Variants in TXNL4A observed in about 807,000 individuals in gnomAD.
TXNL4A encodes the protein thioredoxin like 4A, also known as thioredoxin-like protein 4A.
In TXNL4A, 17 loss-of-function variants were observed where a neutral mutation model predicts 14.6. That is an observed-to-expected ratio of 1.16 (90% CI 0.80 to 1.74). TXNL4A has a LOEUF of 1.74. TXNL4A is among the 40% of genes most tolerant of loss of function. The pLI is 0.00. For synonymous variants in TXNL4A, 83 were observed against 70.6 expected, an observed-to-expected ratio of 1.18 and a Z score of -0.88; for missense variants, 74 against 195.2, an observed-to-expected ratio of 0.38 and a Z score of 3.70.
chr18:79,988,543 C>T lies in TXNL4A; in HGVS notation c.-151G>A, dbSNP rs1258742898. 1.4e-5 allele frequency: 11 copies of T among 814,592 alleles called. No individual in the cohort carries two copies. Among genetic ancestry groups the T allele is most frequent in the South Asian group, 4.8e-5 (1 of 21,034 alleles). 50.5% of individuals were successfully genotyped at this position (814,592 alleles called of 1,614,324 possible). On this transcript the variant is annotated 5_prime_UTR_variant, in exon 1 of 3. Transcript: ENST00000269601. ...CCCGCACACGCAAACTCCGCTGGGA[C>T]TGCCACCCGGCAGAACGTCTGGGCG...
chr18:79,988,840 C>T (rs563605232), upstream of TXNL4A, among the ~76,000 whole-genome samples: 27 of 152,354 alleles, frequency 1.8e-4, no homozygotes, highest in Admixed American at 6.5e-4. Context: ...CGCCGCCGCC[C>T]GGGCTGTCCT....
intron 1 of TXNL4A, among the ~76,000 whole-genome samples, chr18:80,005,126 C>T (rs977957765): frequency 6.6e-6 from 1 of 152,226 alleles, no homozygotes; most frequent in African/African-American, 2.4e-5. Flanking sequence ...ATGGTTAACA[C>T]GAGAGTCTCG....
At position 79,993,987 on chromosome 18, in the gene TXNL4A, G is replaced by A. The variant is rs2051643961; in HGVS notation, c.-60-16286C>T. ...TGGCCCTGAAGAGCCAGGTCCCCAG[G>A]CAGCACACTTTGGGTCTCACACACA... On this transcript the variant is annotated intron_variant, in intron 1 of 2. Coordinates refer to the TXNL4A transcript ENST00000585474. This position sits in a 1 kb window ranked among gnomAD's most constrained non-coding sequence, Gnocchi z 4.4. Among the ~76,000 whole-genome samples, 2 of 152,116 alleles carry A rather than the reference G, an allele frequency of 1.3e-5. No homozygotes were observed. Among genetic ancestry groups the A allele is most frequent in the Non-Finnish European group, 2.9e-5 (2 of 68,026 alleles).
intron 1 of TXNL4A, among the ~76,000 whole-genome samples, chr18:80,015,393 G>A (rs777082720): frequency 7.0e-4 from 97 of 138,046 alleles, no homozygotes; most frequent in Non-Finnish European, 1.3e-3. Context: ...TAAGTTTTAG[G>A]GTACATGTGC....
chr18:80,025,701 C>G (rs1317297013), intron 1 of TXNL4A, among the ~76,000 whole-genome samples: 1 of 152,234 alleles, frequency 6.6e-6, no homozygotes, highest in African/African-American at 2.4e-5. Flanking sequence ...AGAATTTGAG[C>G]TCAGTATCAG....
At chr18:79,995,561 T>C (rs905499525) in intron 1 of TXNL4A, 6 of 152,148 alleles carry the variant, frequency 3.9e-5, no homozygotes, top group Admixed American at 6.5e-5. Context: ...AAATGCAAAT[T>C]TATTAGACTA....
chr18:80,000,966 C>T (rs1282083418), intron 1 of TXNL4A, among the ~76,000 whole-genome samples: 1 of 152,210 alleles, frequency 6.6e-6, no homozygotes, highest in Non-Finnish European at 1.5e-5. Flanking sequence ...GTCACCAAGA[C>T]AATGAGAAAA....
chr18:80,018,630 G>A lies in TXNL4A; in HGVS notation c.-61+15221C>T, dbSNP rs544474045. ...AAAAAGAGAGAAGAATCAAAAAGAC[G>A]CAATAAAAATGATAAAGGGGATATC... On this transcript the variant is annotated intron_variant, in intron 1 of 2. Transcript: ENST00000585474. Among the ~76,000 whole-genome samples the A allele has an allele frequency of 7.9e-5, 12 of 152,144 alleles. No homozygotes were observed. The East Asian group carries it at 9.7e-4, about 12-fold the overall frequency.
At chr18:79,983,811 CCCA>C (rs576627835) in intron 1 of TXNL4A, among the ~76,000 whole-genome samples, 13 of 152,310 alleles carry the variant, frequency 8.5e-5, no homozygotes, top group Admixed American at 7.8e-4. Flanking sequence ...CTTTATTAAT[CCCA>C]CCACAACCCT....
intron 1 of TXNL4A, among the ~76,000 whole-genome samples, chr18:80,001,994 C>G (rs1238276733): frequency 1.3e-5 from 2 of 152,042 alleles, no homozygotes; most frequent in Non-Finnish European, 2.9e-5. Context: ...GTGTCCCCAC[C>G]CAAATCTCAT....
chr18:79,986,159 C>G (rs1340542508), intron 1 of TXNL4A, among the ~76,000 whole-genome samples: 1 of 151,998 alleles, frequency 6.6e-6, no homozygotes, highest in African/African-American at 2.4e-5. Flanking sequence ...CCCACCTCAG[C>G]CTCCCAAGTA....
chr18:79,996,020 C>T (rs2051658557), intron 1 of TXNL4A, among the ~76,000 whole-genome samples: 1 of 135,416 alleles, frequency 7.4e-6, no homozygotes, highest in Non-Finnish European at 1.6e-5. Flanking sequence ...AGGAGAATGG[C>T]GTGAACCTGG....
intron 1 of TXNL4A, among the ~76,000 whole-genome samples, chr18:80,014,532 A>G (rs1389792646): frequency 1.3e-5 from 2 of 152,224 alleles, no homozygotes; most frequent in Non-Finnish European, 2.9e-5. Flanking sequence ...ACACTGATGC[A>G]AGAGGTGGGT....
At chr18:79,996,300 C>G (rs1230135686) in intron 1 of TXNL4A, among the ~76,000 whole-genome samples, 1 of 152,148 alleles carries the variant, frequency 6.6e-6, no homozygotes. Flanking sequence ...GAGCTTACAA[C>G]TGCCTGAATT....
At chr18:80,033,697 G>A (rs931930868) in intron 1 of TXNL4A, among the ~76,000 whole-genome samples, 59 of 152,316 alleles carry the variant, frequency 3.9e-4, no homozygotes, top group African/African-American at 1.4e-3. Flanking sequence ...TAGCTACGCA[G>A]CGCCAGGCAA....
chr18:79,983,342 A>G (rs2051493123), intron 1 of TXNL4A, among the ~76,000 whole-genome samples: 1 of 152,190 alleles, frequency 6.6e-6, no homozygotes, highest in Non-Finnish European at 1.5e-5. Context: ...AATTGTAAGT[A>G]TCTTTTCCAA....
chr18:80,014,162 A>G (rs2051791237), intron 1 of TXNL4A, among the ~76,000 whole-genome samples: 1 of 152,146 alleles, frequency 6.6e-6, no homozygotes, highest in Admixed American at 6.5e-5. Context: ...GTCAAGCCAT[A>G]TCATTCTTCC....
intron 2 of TXNL4A, among the ~76,000 whole-genome samples, chr18:79,975,535 G>T (rs967203595): frequency 6.6e-6 from 1 of 152,210 alleles, no homozygotes; most frequent in African/African-American, 2.4e-5. Context: ...GCACGCTGTG[G>T]GGGGCAGAGA....
chr18:80,007,825 GGA>G (rs1214918853), intron 1 of TXNL4A, among the ~76,000 whole-genome samples: 3 of 152,122 alleles, frequency 2.0e-5, no homozygotes, highest in African/African-American at 7.2e-5. Context: ...CCCCAGATAA[GGA>G]GTTTTGCCTC....
Sources: allele counts gnomAD v4.1 joint callset (sites outside exome capture counted in the v4.1 genomes callset), GRCh38; gene constraint gnomAD v4.1.1; non-coding constraint Gnocchi (gnomAD v3.1); transcripts MANE v1.5; gene names NCBI Gene and HGNC (gene_info 2026-07-23, HGNC 2026-07-21).